Variants in MTUS1 observed in about 807,000 individuals in gnomAD.
MTUS1 encodes the protein microtubule associated scaffold protein 1.
MTUS1 carries 109 observed loss-of-function variants against 120.8 expected under a neutral mutation model. That is an observed-to-expected ratio of 0.90 (90% confidence interval 0.77 to 1.06). The LOEUF is 1.06. Among genes scored for constraint, MTUS1 ranks in the 50% least tolerant of loss-of-function variants. The pLI, the probability that MTUS1 is intolerant of heterozygous loss-of-function variation, is 0.00. For missense variants in MTUS1, 2,210 were observed against 1,486.3 expected (o/e 1.49, Z -8.01); for synonymous variants, 737 against 550.5 (o/e 1.34, Z -4.74).
Position 17,645,950 on chromosome 8 carries a change from A to G in MTUS1, c.3789T>C (p.Pro1263=), listed in dbSNP as rs1469432926. 1 of 1,612,306 alleles carries G rather than the reference A, an allele frequency of 6.2e-7. No individual in the cohort carries two copies. Among genetic ancestry groups the G allele is most frequent in the Non-Finnish European group, 8.5e-7 (1 of 1,179,800 alleles). Residue 1263 remains proline (P), a synonymous_variant, in exon 15 of 15, where the codon CCT becomes CCC. Coordinates refer to ENST00000693296, the MANE Select transcript of MTUS1 (RefSeq NM_001363059.2). ...GTCATCTGGGTGAAATGCTGGGGCT[A>G]GGGAAGGAGCCCGAATTCCTTGGTG... ...LQSPRNSGSF[P]SPSISPR is the part of the protein sequence containing the mutation.
chr8:17,749,596 G>C (rs971367931), intron 2 of MTUS1, among the ~76,000 whole-genome samples: 3 of 151,042 alleles, frequency 2.0e-5, no homozygotes, highest in African/African-American at 7.3e-5. Context: ...GGGAGGCAGA[G>C]GCTGCAGTGA....
rs768071595 is a variant in MTUS1 at position 17,743,664 on chromosome 8, T to C, written c.2227A>G (p.Arg743Gly). 10 of 1,614,098 alleles carry C rather than the reference T, an allele frequency of 6.2e-6. No homozygotes were observed. The highest frequency in any genetic ancestry group is 1.1e-5 in the South Asian group (1 of 91,092). ...ACGGCTCGATCAGCACTGGGATTTC[T>C]ATTGTCACTGTTCCGCCTCAAACAG... ...VSCLRRNSDN[R>G]NPSADRAVSP... The change falls in exon 3 of 15, where the codon AGA becomes GGA. Residue 743 changes from arginine to glycine, a missense_variant. Physicochemically the swap from Arg to Gly is moderately radical, Grantham distance 125 (BLOSUM62 -2). Coordinates refer to ENST00000693296, the MANE Select transcript of MTUS1 (RefSeq NM_001363059.2).
At chr8:17,721,796 C>T (rs751853446) in intron 4 of MTUS1, 7 of 1,614,038 alleles carry the variant, frequency 4.3e-6, no homozygotes, top group Admixed American at 3.3e-5. Context: ...AAGGTAGCAT[C>T]ATAGTGCCTC....
chr8:17,751,753 G>C (rs556742646), intron 2 of MTUS1, among the ~76,000 whole-genome samples: 83 of 151,278 alleles, frequency 5.5e-4, no homozygotes, highest in African/African-American at 2.0e-3. Context: ...AGCTACCTGG[G>C]AGGCTGAGGC....
At chr8:17,711,590 T>C (rs893088644) in intron 6 of MTUS1, among the ~76,000 whole-genome samples, 2 of 152,198 alleles carry the variant, frequency 1.3e-5, no homozygotes, top group Non-Finnish European at 2.9e-5. Context: ...ACTCAGACTT[T>C]CTCTCTGCCG....
chr8:17,753,209 G>A (rs1018786471), intron 2 of MTUS1, among the ~76,000 whole-genome samples: 4 of 152,002 alleles, frequency 2.6e-5, no homozygotes, highest in Admixed American at 6.6e-5. Flanking sequence ...ATTATTGGCC[G>A]GTCAGAGGAA....
At chr8:17,731,504 G>A (rs2046577679) in intron 3 of MTUS1, among the ~76,000 whole-genome samples, 3 of 152,060 alleles carry the variant, frequency 2.0e-5, no homozygotes, top group African/African-American at 7.2e-5. Flanking sequence ...AATTAAATTG[G>A]ATTACAACGC....
chr8:17,784,942 G>A (rs1023616780), intron 1 of MTUS1, among the ~76,000 whole-genome samples: 20 of 152,016 alleles, frequency 1.3e-4, no homozygotes, highest in African/African-American at 4.6e-4. Flanking sequence ...GCACCACCAT[G>A]TCCGGCTAAT....
chr8:17,678,746 T>TG (rs1228056668), intron 7 of MTUS1, among the ~76,000 whole-genome samples: 88 of 83,524 alleles, frequency 1.1e-3, no homozygotes, highest in Non-Finnish European at 1.9e-3. Flanking sequence ...AAATTCCACT[T>TG]GCAAAAAAAA....
chr8:17,772,490 C>G (rs2050091274), intron 1 of MTUS1, among the ~76,000 whole-genome samples: 1 of 152,124 alleles, frequency 6.6e-6, no homozygotes, highest in South Asian at 2.1e-4. Flanking sequence ...ATTATCTGGT[C>G]CTGCTTCCCA....
intron 1 of MTUS1, among the ~76,000 whole-genome samples, chr8:17,763,595 ATGAGC>A (rs1380262148): frequency 6.6e-6 from 1 of 152,020 alleles, no homozygotes; most frequent in African/African-American, 2.4e-5. Context: ...TCTCTTGGGA[ATGAGC>A]TGCCCACCAG....
intron 6 of MTUS1, among the ~76,000 whole-genome samples, chr8:17,695,321 C>A (rs1223834769): frequency 6.6e-6 from 1 of 152,110 alleles, no homozygotes; most frequent in Non-Finnish European, 1.5e-5. Context: ...ATATGTACGC[C>A]AAAAATTCTA....
chr8:17,793,003 A>C (rs1293006682), intron 1 of MTUS1, among the ~76,000 whole-genome samples: 1 of 152,226 alleles, frequency 6.6e-6, no homozygotes, highest in Non-Finnish European at 1.5e-5. Context: ...CTGAAACACA[A>C]ATCTTATTAG....
chr8:17,757,222 G>C (rs1395728738), intron 1 of MTUS1, among the ~76,000 whole-genome samples: 3 of 152,024 alleles, frequency 2.0e-5, no homozygotes, highest in Non-Finnish European at 4.4e-5. Context: ...CAATAGAAAG[G>C]AATGCAATAT....
intron 6 of MTUS1, among the ~76,000 whole-genome samples, chr8:17,703,365 G>A (rs1277837952): frequency 1.3e-5 from 2 of 152,158 alleles, no homozygotes; most frequent in African/African-American, 2.4e-5. Context: ...CGGGTGCGGT[G>A]GCTCACGCCT....
intron 6 of MTUS1, among the ~76,000 whole-genome samples, chr8:17,708,539 G>T (rs907264373): frequency 6.6e-6 from 1 of 152,216 alleles, no homozygotes; most frequent in Non-Finnish European, 1.5e-5. Flanking sequence ...AAACAGCCTG[G>T]AGGTTTCTTA....
intron 8 of MTUS1, among the ~76,000 whole-genome samples, chr8:17,669,391 C>T (rs941219087): frequency 6.6e-6 from 1 of 152,076 alleles, no homozygotes; most frequent in Non-Finnish European, 1.5e-5. Flanking sequence ...AACCCATGGC[C>T]GGGGCCTGGG....
Position 17,754,244 on chromosome 8 carries a change from G to C in MTUS1, c.1564C>G (p.Pro522Ala), listed in dbSNP as rs190516280. Reference protein sequence around the residue: ...AKVMSRAVLQPKDAALSKVTP... With the variant: ...AKVMSRAVLQAKDAALSKVTP... ...ACCTTTGATAAAGCAGCATCTTTGG[G>C]CTGCAACACTGCTCTAGACATAACT... is the stretch of plus-strand genomic sequence containing the variant. The change falls in exon 2 of 15, where the codon CCC (proline) becomes GCC (alanine). Residue 522 changes from proline to alanine, a missense_variant. Pro to Ala is a conservative substitution (Grantham distance 27). Coordinates refer to ENST00000693296, the MANE Select transcript of MTUS1 (RefSeq NM_001363059.2). 6.2e-6 allele frequency: 10 copies of C among 1,614,024 alleles called. No individual in the cohort carries two copies. In the East Asian group the frequency reaches 2.2e-4, roughly 36 times the overall value.
At chr8:17,705,617 G>A (rs1713535549) in intron 6 of MTUS1, 1 of 152,128 alleles carries the variant, frequency 6.6e-6, no homozygotes, top group African/African-American at 2.4e-5. Context: ...AAACAACAGT[G>A]AAAAAACAGC....
Sources: gnomAD v4.1 joint callset for allele counts (sites outside exome capture counted in the v4.1 genomes callset) on GRCh38, gnomAD v4.1.1 for gene constraint, MANE v1.5 for transcripts, NCBI Gene and HGNC (gene_info 2026-07-23, HGNC 2026-07-21) for gene names.